PRKN: variants seen among roughly 807,000 people sequenced by gnomAD.
PRKN encodes parkin RBR E3 ubiquitin protein ligase.
In PRKN, 56 loss-of-function variants were observed where a neutral mutation model predicts 59.5. The observed-to-expected ratio is 0.94, with a 90% confidence interval of 0.76 to 1.18. PRKN has a LOEUF of 1.18. Ranked by LOEUF, PRKN falls within the 50% of genes most tolerant of loss-of-function variation. PRKN has a pLI of 0.00. For missense variants in PRKN, 657 were observed against 596.4 expected, an observed-to-expected ratio of 1.10 and a Z score of -1.06; for synonymous variants, 250 against 222.1, an observed-to-expected ratio of 1.13 and a Z score of -1.12.
At chr6:161,770,429 G>A (rs1789615876) in intron 7 of PRKN, among the ~76,000 whole-genome samples, 1 of 151,740 alleles carries the variant, frequency 6.6e-6, no homozygotes. Context: ...TCCTCAGGAT[G>A]TGACTCTATT....
intron 7 of PRKN, among the ~76,000 whole-genome samples, chr6:161,648,119 G>A (rs1784022610): frequency 6.6e-6 from 1 of 152,218 alleles, no homozygotes; most frequent in African/African-American, 2.4e-5. Flanking sequence ...GACAAAACAA[G>A]CTTGCTTCTC....
At chr6:161,777,722 CATAT>C (rs1297778238) in intron 7 of PRKN, among the ~76,000 whole-genome samples, 1 of 136,858 alleles carries the variant, frequency 7.3e-6, no homozygotes, top group Non-Finnish European at 1.5e-5. Context: ...ATTTTATATA[CATAT>C]ATATCTATAT....
At chr6:161,999,008 TCTTAA>T (rs1201212981) in intron 5 of PRKN, among the ~76,000 whole-genome samples, 3 of 152,100 alleles carry the variant, frequency 2.0e-5, no homozygotes, top group African/African-American at 7.2e-5. Flanking sequence ...TATTTTGTCC[TCTTAA>T]CACACAAAAA....
intron 6 of PRKN, among the ~76,000 whole-genome samples, chr6:161,835,114 A>G (rs1472362334): frequency 6.6e-6 from 1 of 152,214 alleles, no homozygotes; most frequent in Admixed American, 6.5e-5. Flanking sequence ...GATACTGAAA[A>G]CTACTCAGCA....
intron 7 of PRKN, among the ~76,000 whole-genome samples, chr6:161,671,019 T>C (rs995919899): frequency 3.9e-5 from 6 of 152,166 alleles, no homozygotes; most frequent in Non-Finnish European, 8.8e-5. Context: ...TGAAGTGTTT[T>C]TTCGTGTGTT....
intron 7 of PRKN, among the ~76,000 whole-genome samples, chr6:161,611,009 G>T (rs1339439805): frequency 1.3e-5 from 2 of 152,180 alleles, no homozygotes; most frequent in Admixed American, 6.5e-5. Context: ...ATTTGCAGCT[G>T]AAAACTATCG....
chr6:161,641,708 A>G (rs139192799), intron 7 of PRKN, among the ~76,000 whole-genome samples: 8 of 152,340 alleles, frequency 5.3e-5, no homozygotes, highest in Admixed American at 5.2e-4. Flanking sequence ...GAGGAACTCA[A>G]ACTCTTCATC....
At chr6:162,447,325 C>G (rs775962497) in intron 1 of PRKN, among the ~76,000 whole-genome samples, 4 of 152,028 alleles carry the variant, frequency 2.6e-5, no homozygotes. Flanking sequence ...AGAAAACTTC[C>G]AGAGACCAAG....
At chr6:162,142,596 A>C (rs1781836045) in intron 4 of PRKN, among the ~76,000 whole-genome samples, 1 of 152,206 alleles carries the variant, frequency 6.6e-6, no homozygotes, top group Admixed American at 6.5e-5. Context: ...AGATAACAAC[A>C]CAGACCTCAA....
chr6:162,516,129 C>T (rs1318300070), intron 1 of PRKN, among the ~76,000 whole-genome samples: 1 of 152,162 alleles, frequency 6.6e-6, no homozygotes, highest in South Asian at 2.1e-4. Flanking sequence ...CTCTCTGATC[C>T]TTCTCTGATC....
chr6:161,757,510 C>T (rs1291733179), intron 7 of PRKN, among the ~76,000 whole-genome samples: 1 of 151,758 alleles, frequency 6.6e-6, no homozygotes, highest in Non-Finnish European at 1.5e-5. Context: ...GGCACTTCAC[C>T]AAAGAAAGTA....
chr6:161,599,666 C>A (rs1329464332), intron 7 of PRKN, among the ~76,000 whole-genome samples: 1 of 152,176 alleles, frequency 6.6e-6, no homozygotes, highest in Non-Finnish European at 1.5e-5. Context: ...GCCTGGCTTA[C>A]AGCAATTTCT....
chr6:161,595,455 T>C (rs1045272256), intron 7 of PRKN, among the ~76,000 whole-genome samples: 1 of 152,222 alleles, frequency 6.6e-6, no homozygotes, highest in African/African-American at 2.4e-5. Context: ...CATTGTTGTG[T>C]TACAAACCAC....
At chr6:162,392,918 G>A (rs562983769) in intron 2 of PRKN, among the ~76,000 whole-genome samples, 2 of 152,130 alleles carry the variant, frequency 1.3e-5, no homozygotes, top group East Asian at 3.9e-4. Flanking sequence ...GGAGCATGTC[G>A]GATCCGGGCT....
At chr6:162,077,506 G>C (rs1778875242) in intron 4 of PRKN, among the ~76,000 whole-genome samples, 1 of 152,036 alleles carries the variant, frequency 6.6e-6, no homozygotes, top group South Asian at 2.1e-4. Context: ...AAAAATTAGT[G>C]CAAGTAAAAT....
intron 7 of PRKN, among the ~76,000 whole-genome samples, chr6:161,756,106 A>G (rs1788905547): frequency 6.6e-6 from 1 of 152,210 alleles, no homozygotes; most frequent in Non-Finnish European, 1.5e-5. Flanking sequence ...TACTTAGAAC[A>G]CATAGTTCAT....
At chr6:162,194,534 T>C (rs537111030) in intron 4 of PRKN, among the ~76,000 whole-genome samples, 2 of 152,308 alleles carry the variant, frequency 1.3e-5, no homozygotes, top group Admixed American at 6.5e-5. Flanking sequence ...TACTGGCTGA[T>C]ACTGATGCCC....
At chr6:162,696,559 C>CTTTTTTTTTTT (rs748055251) in intron 1 of PRKN, among the ~76,000 whole-genome samples, 1 of 108,510 alleles carries the variant, frequency 9.2e-6, no homozygotes. Context: ...TCAGGAAAAA[C>CTTTTTTTTTTT]TTTTTTTTTT....
rs1470136643 is a variant in PRKN at position 161,527,974 on chromosome 6, G to A, written c.1083+20880C>T. ...TCTTTCCCCCCACTTAGTCCCCAGA[G>A]ACTTAGAGTTAACTTGAATAAATTC... On this transcript the variant is annotated intron_variant, in intron 9 of 11. Coordinates refer to ENST00000366898, the MANE Select transcript of PRKN (RefSeq NM_004562.3). The surrounding 1 kb of genome is among the most constrained non-coding windows in gnomAD (Gnocchi z 4.6). Among the ~76,000 whole-genome samples the A allele has an allele frequency of 6.6e-6, 1 of 152,164 alleles. No individual in the cohort carries two copies. The highest frequency in any genetic ancestry group is 2.4e-5 in the African/African-American group (1 of 41,424).
Sources: allele counts gnomAD v4.1 joint callset (sites outside exome capture counted in the v4.1 genomes callset), GRCh38; gene constraint gnomAD v4.1.1; non-coding constraint Gnocchi (gnomAD v3.1); transcripts MANE v1.5; gene names NCBI Gene and HGNC (gene_info 2026-07-23, HGNC 2026-07-21).